Variants in TNFSF13B observed in about 807,000 individuals in gnomAD.
TNFSF13B encodes tumor necrosis factor ligand superfamily member 13B.
Under a neutral mutation model 29.1 loss-of-function variants are expected in TNFSF13B, and 8 were observed. The observed-to-expected ratio is 0.27, with a 90% CI of 0.16 to 0.50. The LOEUF is 0.50. Among genes scored for constraint, TNFSF13B ranks in the 20% least tolerant of loss-of-function variants. The pLI, the probability that TNFSF13B is intolerant of heterozygous loss-of-function variation, is 0.98. For missense variants in TNFSF13B, 248 were observed against 334.9 expected (o/e 0.74, Z 2.03); for synonymous variants, 125 against 130.8 (o/e 0.96, Z 0.30).
At chr13:108,306,799 T>C (rs368455775) in intron 5 of TNFSF13B, 27 bp from the exon 6 acceptor site, 10 of 1,317,302 alleles carry the variant, frequency 7.6e-6, no homozygotes, top group Admixed American at 6.8e-5. Flanking sequence ...TAACCACTTA[T>C]AGTTCTTGTA....
chr13:108,283,209 G>A (rs16972220), intron 2 of TNFSF13B, among the ~76,000 whole-genome samples: 32,752 of 152,110 alleles, frequency 0.22, 4,226 homozygotes, highest in East Asian at 0.43. Flanking sequence ...GTTGAAATTC[G>A]ATAATAGCTA....
chr13:108,278,522 A>G (rs1010656637), intron 2 of TNFSF13B, among the ~76,000 whole-genome samples: 2 of 124,896 alleles, frequency 1.6e-5, no homozygotes, highest in Non-Finnish European at 3.5e-5. Flanking sequence ...AATTTTTGCA[A>G]GTGCTGATCT....
At position 108,270,334 on chromosome 13, in the gene TNFSF13B, T is replaced by C. The variant is rs368391271; in HGVS notation, c.340-6T>C. On this transcript the variant is annotated splice_polypyrimidine_tract_variant and splice_region_variant and intron_variant, in intron 1 of 5. Transcript: ENST00000375887. ...TTCTAATAACTTGAAGTTTTTCTGT[T>C]CATAGATCTTTGAACCACCAGCTCC... The C allele has an allele frequency of 1.4e-5, 23 of 1,614,156 alleles. No individual in the cohort carries two copies. The Middle Eastern group carries it at 4.9e-4, about 35-fold the overall frequency.
chr13:108,293,222 A>T (rs1243405645), intron 3 of TNFSF13B, among the ~76,000 whole-genome samples: 1 of 152,166 alleles, frequency 6.6e-6, no homozygotes, highest in African/African-American at 2.4e-5. Context: ...GTTAAAAATC[A>T]GTTGTACGTA....
At chr13:108,269,653 GA>G, upstream of TNFSF13B, 1 of 440,852 alleles carries the variant, frequency 2.3e-6, no homozygotes, top group East Asian at 3.7e-5. Flanking sequence ...AACTGAAAGT[GA>G]AATGAGGAAG....
chr13:108,304,473 A>T (rs1881715268), intron 5 of TNFSF13B, among the ~76,000 whole-genome samples: 1 of 152,172 alleles, frequency 6.6e-6, no homozygotes, highest in South Asian at 2.1e-4. Context: ...AGCACGGCAG[A>T]TCTTGTAAAC....
chr13:108,299,082 T>G (rs1881537243), intron 3 of TNFSF13B, among the ~76,000 whole-genome samples: 1 of 146,474 alleles, frequency 6.8e-6, no homozygotes, highest in Admixed American at 6.7e-5. Context: ...AAACATGGAA[T>G]AGCTCTCCAT....
chr13:108,288,814 A>G (rs775093989), intron 3 of TNFSF13B, among the ~76,000 whole-genome samples: 1 of 152,202 alleles, frequency 6.6e-6, no homozygotes, highest in African/African-American at 2.4e-5. Flanking sequence ...TGTGTTGTGA[A>G]CGAACTACGA....
intron 2 of TNFSF13B, among the ~76,000 whole-genome samples, chr13:108,277,621 G>T (rs1026514023): frequency 6.6e-6 from 1 of 152,140 alleles, no homozygotes; most frequent in African/African-American, 2.4e-5. Context: ...AAAGAATGCC[G>T]AAACCATAGA....
intron 3 of TNFSF13B, among the ~76,000 whole-genome samples, chr13:108,289,208 T>C (rs570775461): frequency 3.2e-4 from 48 of 152,170 alleles, no homozygotes; most frequent in Middle Eastern, 3.4e-3. Context: ...ATGCAGCTGC[T>C]ATACTCCAAT....
At position 108,269,844 on chromosome 13, in the gene TNFSF13B, C is replaced by A; in HGVS notation, c.-52C>A. The A allele has an allele frequency of 1.4e-6, 2 of 1,453,526 alleles. No homozygotes were observed. The highest frequency in any genetic ancestry group is 1.3e-5 in the South Asian group (1 of 78,318). 90.0% of individuals were successfully genotyped at this position (1,453,526 alleles called of 1,614,324 possible). A position where few individuals can be genotyped will look rare whatever the true frequency, so the allele number is the denominator to read the frequency against. ...CACAGATAACAGGAAATGATCCATT[C>A]CCTGTGGTCACTTATTCTAAAGGCC... On this transcript the variant is annotated 5_prime_UTR_variant, in exon 1 of 6. Transcript: ENST00000375887.
chr13:108,290,289 T>A (rs975405559), intron 3 of TNFSF13B, among the ~76,000 whole-genome samples: 1 of 152,208 alleles, frequency 6.6e-6, no homozygotes. Context: ...ACCAGTCTCC[T>A]ACCAATAGAC....
intron 2 of TNFSF13B, among the ~76,000 whole-genome samples, chr13:108,280,716 C>CTT (rs148214282): frequency 1.0e-3 from 143 of 143,058 alleles, no homozygotes; most frequent in African/African-American, 3.4e-3. Flanking sequence ...CATGATAATG[C>CTT]TTTTTTTTTT....
chr13:108,303,667 G>A, intron 5 of TNFSF13B, 63 bp downstream of exon 5: 2 of 1,510,926 alleles, frequency 1.3e-6, no homozygotes, highest in Non-Finnish European at 1.8e-6. Context: ...AAAAATCTGA[G>A]CTGCAAAATG....
chr13:108,274,382 C>CAT (rs1247975854), intron 2 of TNFSF13B, among the ~76,000 whole-genome samples: 1 of 139,202 alleles, frequency 7.2e-6, no homozygotes, highest in Admixed American at 7.2e-5. Context: ...TATATATATA[C>CAT]ATATATATAC....
At chr13:108,274,366 AATAT>A (rs10583801) in intron 2 of TNFSF13B, among the ~76,000 whole-genome samples, 3,639 of 149,102 alleles carry the variant, frequency 0.024, 139 homozygotes, top group African/African-American at 0.085. Flanking sequence ...TACACATACA[AATAT>A]ATATATATAT....
At chr13:108,288,378 T>A (rs1881203721) in intron 3 of TNFSF13B, among the ~76,000 whole-genome samples, 1 of 152,126 alleles carries the variant, frequency 6.6e-6, no homozygotes, top group Non-Finnish European at 1.5e-5. Flanking sequence ...GATAAACCCA[T>A]CCTAAGCTGA....
rs114819781 is a variant in TNFSF13B, at chr13:108,278,540, T to G, written c.424+8116T>G. Among the ~76,000 whole-genome samples the G allele has an allele frequency of 8.2e-3, 942 of 114,920 alleles. 27 individuals are homozygous for G. Among genetic ancestry groups the G allele is most frequent in the African/African-American group, 0.031 (883 of 28,576 alleles). The allele number at this position is 114,920 out of a possible 152,430, so 75.4% of individuals were successfully genotyped here. ...TTTTGCAAGTGCTGATCTGTTGAAGTGTTTTTGCAAATGCAAGCTTTCTTC... is the reference window on the plus strand; with the variant it reads ...TTTTGCAAGTGCTGATCTGTTGAAGGGTTTTTGCAAATGCAAGCTTTCTTC... On this transcript the variant is annotated intron_variant, in intron 2 of 5. Coordinates refer to ENST00000375887, the MANE Select transcript of TNFSF13B (RefSeq NM_006573.5).
chr13:108,290,892 T>G (rs958715566), intron 3 of TNFSF13B, among the ~76,000 whole-genome samples: 2 of 152,182 alleles, frequency 1.3e-5, no homozygotes, highest in Middle Eastern at 3.4e-3. Flanking sequence ...TTTCTACCTT[T>G]AAATACTTTA....
Sources: gnomAD v4.1 joint callset for allele counts (sites outside exome capture counted in the v4.1 genomes callset) on GRCh38, gnomAD v4.1.1 for gene constraint, MANE v1.5 for transcripts, NCBI Gene and HGNC (gene_info 2026-07-23, HGNC 2026-07-21) for gene names.